The following FZD6 variants were observed in gnomAD, a reference collection of about 807,000 sequenced individuals.
FZD6 encodes frizzled-6.
FZD6 carries 49 observed loss-of-function variants against 61.4 expected under a neutral mutation model. That is an observed-to-expected ratio of 0.80 (90% CI 0.63 to 1.01). The LOEUF is 1.01. Ranked by LOEUF, FZD6 falls within the 50% of genes least tolerant of loss-of-function variation. The pLI is 0.00. For synonymous variants in FZD6, 265 were observed against 292.2 expected (o/e 0.91, Z 0.95); for missense variants, 724 against 848.2 (o/e 0.85, Z 1.82).
chr8:103,316,804 A>G (rs1254325531), intron 2 of FZD6, among the ~76,000 whole-genome samples: 1 of 152,106 alleles, frequency 6.6e-6, no homozygotes, highest in Non-Finnish European at 1.5e-5. Context: ...ATGCTCTGAA[A>G]TGTTTTATTG....
intron 1 of FZD6, among the ~76,000 whole-genome samples, chr8:103,299,725 C>T (rs917941396): frequency 6.6e-6 from 1 of 152,170 alleles, no homozygotes; most frequent in African/African-American, 2.4e-5. Flanking sequence ...CTTTTTAACC[C>T]TGTCTTCCAT....
chr8:103,303,413 C>A (rs77732480), intron 2 of FZD6, among the ~76,000 whole-genome samples: 30 of 152,008 alleles, frequency 2.0e-4, no homozygotes, highest in Non-Finnish European at 3.8e-4. Flanking sequence ...TTAATCACCC[C>A]ACTCTACACC....
intron 2 of FZD6, among the ~76,000 whole-genome samples, chr8:103,309,414 T>C (rs912378586): frequency 3.3e-5 from 5 of 152,192 alleles, no homozygotes; most frequent in African/African-American, 4.8e-5. Flanking sequence ...CCTTAGCCAA[T>C]TGAGTTGAGG....
intron 4 of FZD6, among the ~76,000 whole-genome samples, chr8:103,326,171 C>A (rs932492330): frequency 3.9e-5 from 6 of 152,032 alleles, no homozygotes; most frequent in African/African-American, 1.4e-4. Flanking sequence ...TGACTCTGTG[C>A]GGTATTAACT....
At chr8:103,308,846 G>A (rs1006678464) in intron 2 of FZD6, among the ~76,000 whole-genome samples, 6 of 152,136 alleles carry the variant, frequency 3.9e-5, no homozygotes, top group African/African-American at 1.2e-4. Flanking sequence ...GTTTCTATGA[G>A]GAACTAGTAG....
intron 2 of FZD6, among the ~76,000 whole-genome samples, chr8:103,313,760 CTGTGTG>C (rs58157848): frequency 0.21 from 30,071 of 142,600 alleles, 3,230 homozygotes; most frequent in Admixed American, 0.29. Flanking sequence ...CTTGATTTTT[CTGTGTG>C]TGTGTGTGTG....
intron 4 of FZD6, among the ~76,000 whole-genome samples, chr8:103,327,510 T>C (rs1426851331): frequency 6.6e-6 from 1 of 152,112 alleles, no homozygotes; most frequent in Admixed American, 6.6e-5. Context: ...GCGGGAGAAT[T>C]GCTTGAACGC....
intron 2 of FZD6, among the ~76,000 whole-genome samples, chr8:103,313,158 A>C (rs556741281): frequency 6.6e-6 from 1 of 152,282 alleles, no homozygotes; most frequent in South Asian, 2.1e-4. Context: ...CAGTTGCCTC[A>C]GCTGCAAGGT....
rs1250565100 is a variant in FZD6 at position 103,298,923 on chromosome 8, T to A, written c.-225T>A. On this transcript the variant is annotated 5_prime_UTR_variant, in exon 1 of 7. Transcript: ENST00000358755. ...AGTCCCGGACGCAACCCCGGAGCCG[T>A]CTCAGGTCCCTGGGGGGAACGGTGG... The A allele has an allele frequency of 6.5e-6, 1 of 153,310 alleles. No individual in the cohort carries two copies. Among genetic ancestry groups the A allele is most frequent in the Non-Finnish European group, 1.5e-5 (1 of 68,520 alleles). The allele number at this position is 153,310 out of a possible 1,614,324, so 9.5% of individuals were successfully genotyped here. A position where few individuals can be genotyped will look rare whatever the true frequency, so the allele number is the denominator to read the frequency against.
Position 103,331,686 on chromosome 8 carries a change from A to T in FZD6, c.*177A>T. On this transcript the variant is annotated 3_prime_UTR_variant, in exon 7 of 7. Transcript: ENST00000358755. ...TATGACTCATTTCACACAAAGGTTAATGACAACAATATACCTGAAAACAGA... is the reference window on the plus strand; with the variant it reads ...TATGACTCATTTCACACAAAGGTTATTGACAACAATATACCTGAAAACAGA... The T allele has an allele frequency of 3.3e-6, 2 of 603,586 alleles. No homozygotes were observed. The highest frequency in any genetic ancestry group is 5.9e-6 in the Non-Finnish European group (2 of 339,058). The allele number at this position is 603,586 out of a possible 1,614,324, so 37.4% of individuals were successfully genotyped here. A position where few individuals can be genotyped will look rare whatever the true frequency, so the allele number is the denominator to read the frequency against.
chr8:103,301,840 TA>T (rs1479803505), intron 2 of FZD6, among the ~76,000 whole-genome samples: 1 of 152,220 alleles, frequency 6.6e-6, no homozygotes, highest in Non-Finnish European at 1.5e-5. Flanking sequence ...CACGTCTTTT[TA>T]AAACCAAATT....
chr8:103,299,351 CG>C (rs1309806745), intron 1 of FZD6, among the ~76,000 whole-genome samples: 1 of 152,242 alleles, frequency 6.6e-6, no homozygotes, highest in Non-Finnish European at 1.5e-5. Context: ...GGACTGCCTT[CG>C]CCCTTCCCCC....
intron 2 of FZD6, among the ~76,000 whole-genome samples, chr8:103,315,352 T>C (rs536404461): frequency 6.6e-6 from 1 of 152,342 alleles, no homozygotes; most frequent in Admixed American, 6.5e-5. Context: ...AAATGTGCAC[T>C]TCAGACTGTC....
rs915477348 is a variant in FZD6, at chr8:103,332,271, C to T, written c.*762C>T. The T allele has an allele frequency of 4.6e-5, 7 of 152,090 alleles. No individual in the cohort carries two copies. The highest frequency in any genetic ancestry group is 1.4e-4 in the African/African-American group (6 of 41,432). 9.4% of individuals were successfully genotyped at this position (152,090 alleles called of 1,614,324 possible). On this transcript the variant is annotated 3_prime_UTR_variant, in exon 7 of 7. Transcript: ENST00000358755. Reference sequence around the variant, plus strand: ...TTCTGCATATTTAAAATAAAATGTCCTAAAGGGTTAGTAGACAAAATGTTA... The same window carrying T: ...TTCTGCATATTTAAAATAAAATGTCTTAAAGGGTTAGTAGACAAAATGTTA...
chr8:103,302,311 A>G (rs1040005811), intron 2 of FZD6, among the ~76,000 whole-genome samples: 1 of 152,132 alleles, frequency 6.6e-6, no homozygotes, highest in African/African-American at 2.4e-5. Context: ...CCAAAATCCT[A>G]TAAGTTGAGA....
chr8:103,303,357 T>A (rs1814225356), intron 2 of FZD6, among the ~76,000 whole-genome samples: 1 of 152,236 alleles, frequency 6.6e-6, no homozygotes, highest in African/African-American at 2.4e-5. Context: ...GTTAAAGCAA[T>A]AACTGTTTTT....
At chr8:103,330,944 A>G (rs750822551) in intron 6 of FZD6, among the ~76,000 whole-genome samples, 15 of 152,136 alleles carry the variant, frequency 9.9e-5, no homozygotes, top group South Asian at 2.1e-4. Context: ...TTGGGAGGCC[A>G]AGGTGGGCAG....
chr8:103,310,175 A>G (rs921104468), intron 2 of FZD6, among the ~76,000 whole-genome samples: 69 of 152,204 alleles, frequency 4.5e-4, no homozygotes, highest in Non-Finnish European at 2.1e-4. Context: ...GTGAATGGGA[A>G]GCACATTAAA....
At chr8:103,315,239 A>G (rs1053775609) in intron 2 of FZD6, among the ~76,000 whole-genome samples, 6 of 152,168 alleles carry the variant, frequency 3.9e-5, no homozygotes, top group African/African-American at 9.6e-5. Flanking sequence ...AGTTATTTCA[A>G]TTACCACTTT....
Sources: gnomAD v4.1 joint callset for allele counts (sites outside exome capture counted in the v4.1 genomes callset) on GRCh38, gnomAD v4.1.1 for gene constraint, MANE v1.5 for transcripts, NCBI Gene and HGNC (gene_info 2026-07-23, HGNC 2026-07-21) for gene names.